Variants in TTC23L observed in about 807,000 individuals in gnomAD.
TTC23L encodes the protein tetratricopeptide repeat protein 23-like.
Under a neutral mutation model 48.1 loss-of-function variants are expected in TTC23L, and 42 were observed. That is an observed-to-expected ratio of 0.87 (90% CI 0.68 to 1.13). The LOEUF is 1.13. Ranked by LOEUF, TTC23L falls within the 50% of genes most tolerant of loss-of-function variation. The pLI, the probability that TTC23L is intolerant of heterozygous loss-of-function variation, is 0.00. For missense variants in TTC23L, 391 were observed against 421.0 expected (o/e 0.93, Z 0.62); for synonymous variants, 159 against 157.2 (o/e 1.01, Z -0.09).
chr5:34,847,388 G>C (rs1201916987), intron 3 of TTC23L, among the ~76,000 whole-genome samples: 1 of 152,056 alleles, frequency 6.6e-6, no homozygotes, highest in Non-Finnish European at 1.5e-5. Flanking sequence ...TTAGATCTTA[G>C]GAGAGAAATC....
chr5:34,914,124 C>T, the TTC23L span: 7 of 377,356 alleles, frequency 1.9e-5, no homozygotes, highest in Non-Finnish European at 1.1e-5. Flanking sequence ...ACTTGCAATC[C>T]TATCTGAACC....
chr5:34,916,508 T>C, the TTC23L span: 3 of 152,240 alleles, frequency 2.0e-5, no homozygotes, highest in Admixed American at 1.3e-4. Context: ...ATGACTAGAA[T>C]GTGACCTCTT....
intron 2 of TTC23L, among the ~76,000 whole-genome samples, chr5:34,841,945 G>A (rs1240764935): frequency 1.3e-5 from 2 of 152,130 alleles, no homozygotes; most frequent in Non-Finnish European, 1.5e-5. Context: ...AGCATCCCTG[G>A]CCACCATCCA....
In TTC23L at chr5:34,863,066, T is replaced by G; in HGVS notation, c.536+12T>G. 6.2e-7 allele frequency: 1 copy of G among 1,613,688 alleles called. No individual in the cohort carries two copies. The highest frequency in any genetic ancestry group is 8.5e-7 in the Non-Finnish European group (1 of 1,179,720). Reference sequence around the variant, plus strand: ...CTCCTGCAGAACCGATATCCTTCCATTCCTAGCTGCGTTTAGTGTTCGGGG... The same window carrying G: ...CTCCTGCAGAACCGATATCCTTCCAGTCCTAGCTGCGTTTAGTGTTCGGGG... On this transcript the variant is annotated intron_variant, in intron 5 of 10. Coordinates refer to ENST00000505624, the Ensembl canonical transcript of TTC23L. This position sits in a 1 kb window ranked among gnomAD's most constrained non-coding sequence, Gnocchi z 4.1.
At chr5:34,894,248 T>TATC (rs1443035374) in intron 9 of TTC23L, among the ~76,000 whole-genome samples, 1 of 152,146 alleles carries the variant, frequency 6.6e-6, no homozygotes, top group Admixed American at 6.6e-5. Context: ...TACATAAATA[T>TATC]ATCTTTTAGA....
intron 8 of TTC23L, among the ~76,000 whole-genome samples, chr5:34,872,686 T>A (rs1761548561): frequency 6.6e-6 from 1 of 152,180 alleles, no homozygotes; most frequent in South Asian, 2.1e-4. Flanking sequence ...ATTATAATTG[T>A]AAAAAATAAC....
At chr5:34,917,664 CTG>C in the TTC23L span, among the ~76,000 whole-genome samples, 1 of 152,028 alleles carries the variant, frequency 6.6e-6, no homozygotes, top group African/African-American at 2.4e-5. Flanking sequence ...AAAAAGTAAA[CTG>C]TTGAAAAAGC....
chr5:34,848,495 A>C (rs1223652618), intron 3 of TTC23L, among the ~76,000 whole-genome samples: 3 of 152,244 alleles, frequency 2.0e-5, no homozygotes, highest in Admixed American at 2.0e-4. Flanking sequence ...GATAATAGAC[A>C]AACAATAGTA....
chr5:34,911,488 G>C, the TTC23L span: 10 of 1,545,284 alleles, frequency 6.5e-6, no homozygotes, highest in Middle Eastern at 3.6e-4. Flanking sequence ...TGCATCCTAA[G>C]CAAATGTCTA....
chr5:34,904,157 T>TG (rs1763576243), downstream of TTC23L, among the ~76,000 whole-genome samples: 1 of 151,372 alleles, frequency 6.6e-6, no homozygotes, highest in South Asian at 2.1e-4. Context: ...TTTTTAGAGA[T>TG]GGAGTCTTGC....
At position 34,847,600 on chromosome 5, in the gene TTC23L, G is replaced by A. The variant is rs191320713; in HGVS notation, c.255+1927G>A. On this transcript the variant is annotated intron_variant, in intron 3 of 10. Transcript: ENST00000505624. ...ATCTGGAGCCCGTATTGGTTGTCCC[G>A]GTTTCTCCAAGTCAAGGAGTTCGAG... is the stretch of plus-strand genomic sequence containing the variant. Among the ~76,000 whole-genome samples the A allele has an allele frequency of 1.0e-3, 158 of 151,970 alleles. 1 individual carries two copies. Among genetic ancestry groups the A allele is most frequent in the Admixed American group, 2.9e-3 (44 of 15,266 alleles).
chr5:34,870,659 A>G (rs1016470338), intron 8 of TTC23L, among the ~76,000 whole-genome samples: 9 of 152,328 alleles, frequency 5.9e-5, no homozygotes, highest in African/African-American at 9.6e-5. Context: ...AAAGATGACT[A>G]CAGTTCAAGA....
the TTC23L span, chr5:34,925,436 C>A: frequency 6.2e-7 from 1 of 1,613,142 alleles, no homozygotes; most frequent in African/African-American, 1.3e-5. Flanking sequence ...AAGAAAGAAA[C>A]GGATTTACAA....
chr5:34,895,728 G>A (rs116244019), intron 9 of TTC23L, among the ~76,000 whole-genome samples: 179 of 152,300 alleles, frequency 1.2e-3, no homozygotes, highest in African/African-American at 4.2e-3. Flanking sequence ...GTAGGGTGGA[G>A]ATGGGGATTT....
chr5:34,920,906 C>G, the TTC23L span: 1 of 151,930 alleles, frequency 6.6e-6, no homozygotes, highest in Non-Finnish European at 1.5e-5. Flanking sequence ...TCTCTGTTAC[C>G]CAGGCTGGAG....
At chr5:34,874,177 G>T (rs561981594) in intron 8 of TTC23L, among the ~76,000 whole-genome samples, 15 of 152,130 alleles carry the variant, frequency 9.9e-5, no homozygotes, top group Non-Finnish European at 1.9e-4. Flanking sequence ...TACCAAAGTA[G>T]AAATCTATCT....
intron 4 of TTC23L, among the ~76,000 whole-genome samples, chr5:34,857,373 C>T (rs1352415182): frequency 6.6e-6 from 1 of 152,162 alleles, no homozygotes; most frequent in African/African-American, 2.4e-5. Flanking sequence ...TACTGGGGCT[C>T]TGTTACAAAT....
Position 34,850,184 on chromosome 5 carries a change from GA to G in TTC23L, c.257del (p.Asn86IlefsTer8). 1 of 1,613,770 alleles carries G rather than the reference GA, an allele frequency of 6.2e-7. No individual in the cohort carries two copies. The highest frequency in any genetic ancestry group is 1.1e-5 in the South Asian group (1 of 91,056). On this transcript the variant is annotated frameshift_variant and splice_region_variant, in exon 4 of 11. Coordinates refer to ENST00000505624, the Ensembl canonical transcript of TTC23L. LOFTEE classifies it high-confidence loss of function. ...AGTATAATCACTTCTGTACTCTACA[GA>G]ATACTCAAGCAAACAAGGAGCTGAT... is the stretch of plus-strand genomic sequence containing the variant.
At chr5:34,841,707 C>T (rs3846630) in intron 2 of TTC23L, among the ~76,000 whole-genome samples, 2 of 151,922 alleles carry the variant, frequency 1.3e-5, no homozygotes, top group African/African-American at 4.8e-5. Context: ...TGTAGAGATG[C>T]GTTCTCATTA....
Sources: gnomAD v4.1 joint callset for allele counts (sites outside exome capture counted in the v4.1 genomes callset) on GRCh38, gnomAD v4.1.1 for gene constraint, Gnocchi (gnomAD v3.1) non-coding constraint, MANE v1.5 for transcripts, NCBI Gene and HGNC (gene_info 2026-07-23, HGNC 2026-07-21) for gene names.